The following STK24 variants were observed in gnomAD, a reference collection of about 807,000 sequenced individuals.
STK24 encodes serine/threonine-protein kinase 24.
A neutral mutation model predicts 55.6 loss-of-function variants in STK24; 21 were observed. The observed-to-expected ratio is 0.38, with a 90% confidence interval of 0.27 to 0.54. The LOEUF is 0.54. STK24 is among the 20% of genes least tolerant of loss of function. STK24 has a pLI of 0.79. For synonymous variants in STK24, 200 were observed against 215.2 expected (o/e 0.93, Z 0.62); for missense variants, 383 against 538.4 (o/e 0.71, Z 2.86).
chr13:98,575,176 G>A (rs1054831298), intron 1 of STK24, among the ~76,000 whole-genome samples: 2 of 151,958 alleles, frequency 1.3e-5, no homozygotes, highest in African/African-American at 4.8e-5. Context: ...ATACCAAAGC[G>A]GCTTTAGAAA....
chr13:98,540,046 GAAC>G (rs984623133), intron 1 of STK24, among the ~76,000 whole-genome samples: 6 of 152,318 alleles, frequency 3.9e-5, no homozygotes, highest in African/African-American at 4.8e-5. Context: ...CAAAAGGAAT[GAAC>G]AACAGACACA....
chr13:98,524,524 CCAGA>C (rs1236998447), intron 1 of STK24, among the ~76,000 whole-genome samples: 1 of 152,180 alleles, frequency 6.6e-6, no homozygotes, highest in Non-Finnish European at 1.5e-5. Flanking sequence ...AACCCAGGCC[CCAGA>C]CACTCTCCAG....
chr13:98,458,881 G>C (rs529714964), intron 9 of STK24, among the ~76,000 whole-genome samples: 1 of 152,330 alleles, frequency 6.6e-6, no homozygotes, highest in African/African-American at 2.4e-5. Flanking sequence ...GCTTCTACAA[G>C]TATTGTATGA....
In STK24 at chr13:98,446,160, G is replaced by GGTGGT. The variant is rs746762771; in HGVS notation, c.*7008_*7012dup. ...ACAGCAACGGGTGGCAGAAGCTGTG[G>GGTGGT]GTGGTGTTCACAAACTTCTGCCTGT... On this transcript the variant is annotated 3_prime_UTR_variant, in exon 11 of 11. Transcript: ENST00000539966. 1 of 1,614,050 alleles carries GGTGGT rather than the reference G, an allele frequency of 6.2e-7. No individual in the cohort carries two copies. Among genetic ancestry groups the GGTGGT allele is most frequent in the Non-Finnish European group, 8.5e-7 (1 of 1,179,910 alleles).
chr13:98,454,015 A>G (rs867963754), intron 10 of STK24: 20 of 152,180 alleles, frequency 1.3e-4, no homozygotes, highest in African/African-American at 4.3e-4. Context: ...CTGGCGCTCA[A>G]AAGTTTCAGA....
At chr13:98,455,136 T>C (rs1893392926) in intron 10 of STK24, 1 of 152,258 alleles carries the variant, frequency 6.6e-6, no homozygotes, top group African/African-American at 2.4e-5. Context: ...ATTGTTGTTA[T>C]TAATGTTGAA....
At chr13:98,562,772 C>T (rs1448428678) in intron 1 of STK24, among the ~76,000 whole-genome samples, 3 of 151,680 alleles carry the variant, frequency 2.0e-5, no homozygotes, top group African/African-American at 4.8e-5. Flanking sequence ...AAAAATTAGC[C>T]GGACGTGGTG....
rs1037799943 is a variant in STK24 at position 98,537,070 on chromosome 13, C to A, written c.43-17597G>T. Among the ~76,000 whole-genome samples the A allele has an allele frequency of 5.3e-5, 8 of 152,204 alleles. No individual in the cohort carries two copies. In the East Asian group the frequency reaches 1.2e-3, roughly 22 times the overall value. On this transcript the variant is annotated intron_variant, in intron 1 of 10. Coordinates refer to ENST00000539966, the MANE Select transcript of STK24 (RefSeq NM_001032296.4). ...GAGGCTTGGCAAGTAAGTCACTCAC[C>A]CAGGGAGAGAGCCAGGATGGTGGCC...
chr13:98,560,676 C>T (rs767550135), intron 1 of STK24, among the ~76,000 whole-genome samples: 1 of 151,958 alleles, frequency 6.6e-6, no homozygotes, highest in Non-Finnish European at 1.5e-5. Flanking sequence ...GTCAGGAGTT[C>T]GAGACCAGCC....
chr13:98,536,297 C>T (rs1478153916), intron 1 of STK24, among the ~76,000 whole-genome samples: 1 of 152,100 alleles, frequency 6.6e-6, no homozygotes, highest in Non-Finnish European at 1.5e-5. Context: ...TCAGTAGGGG[C>T]CAGAAAACAA....
chr13:98,486,359 C>T (rs1894807606), intron 2 of STK24, among the ~76,000 whole-genome samples: 1 of 152,146 alleles, frequency 6.6e-6, no homozygotes, highest in African/African-American at 2.4e-5. Context: ...CAGAAGAGGG[C>T]CCTGAAATGT....
chr13:98,520,287 C>T (rs1254237678), intron 1 of STK24, among the ~76,000 whole-genome samples: 3 of 152,158 alleles, frequency 2.0e-5, no homozygotes, highest in African/African-American at 4.8e-5. Context: ...AAGACAGGGA[C>T]GCTGCATATC....
chr13:98,565,398 C>G (rs562477708), intron 1 of STK24, among the ~76,000 whole-genome samples: 6 of 152,028 alleles, frequency 3.9e-5, no homozygotes, highest in African/African-American at 1.4e-4. Flanking sequence ...AAGGCGAAGG[C>G]GAGAGGATCA....
chr13:98,557,747 A>C (rs542056195), intron 1 of STK24, among the ~76,000 whole-genome samples: 1 of 152,320 alleles, frequency 6.6e-6, no homozygotes, highest in South Asian at 2.1e-4. Flanking sequence ...GTCTGGGAGC[A>C]CTTATTTTAG....
At chr13:98,540,163 A>C (rs1896849071) in intron 1 of STK24, among the ~76,000 whole-genome samples, 1 of 152,194 alleles carries the variant, frequency 6.6e-6, no homozygotes, top group Admixed American at 6.5e-5. Flanking sequence ...AGAAAAGGCA[A>C]ATTTATAGAG....
intron 1 of STK24, among the ~76,000 whole-genome samples, chr13:98,542,216 A>G (rs1454420614): frequency 6.6e-6 from 1 of 151,192 alleles, no homozygotes; most frequent in Non-Finnish European, 1.5e-5. Flanking sequence ...GCGCTGACTG[A>G]TATGTCAGCC....
At chr13:98,488,473 A>G (rs1894893431) in intron 2 of STK24, among the ~76,000 whole-genome samples, 1 of 152,150 alleles carries the variant, frequency 6.6e-6, no homozygotes, top group Non-Finnish European at 1.5e-5. Context: ...AGAGTCATGC[A>G]TATTTTCTTT....
chr13:98,484,859 AT>A (rs1894746946), intron 2 of STK24, among the ~76,000 whole-genome samples: 1 of 152,180 alleles, frequency 6.6e-6, no homozygotes, highest in Non-Finnish European at 1.5e-5. Context: ...AGATGGAGAA[AT>A]AACACAGCCT....
chr13:98,521,981 C>T, intron 1 of STK24: 1 of 1,426,902 alleles, frequency 7.0e-7, no homozygotes, highest in Non-Finnish European at 9.4e-7. Flanking sequence ...CAAACGAAAG[C>T]ACTCTCCCTA....
Sources: allele counts gnomAD v4.1 joint callset (sites outside exome capture counted in the v4.1 genomes callset), GRCh38; gene constraint gnomAD v4.1.1; transcripts MANE v1.5; gene names NCBI Gene and HGNC (gene_info 2026-07-23, HGNC 2026-07-21).